MED13L: variants seen among roughly 807,000 people sequenced by gnomAD.
MED13L encodes mediator complex subunit 13L, also known as mediator of RNA polymerase II transcription subunit 13-like.
MED13L carries 7 observed loss-of-function variants against 220.9 expected under a neutral mutation model. That is an observed-to-expected ratio of 0.03 (90% CI 0.02 to 0.06). The LOEUF (loss-of-function observed/expected upper bound fraction) is 0.06. Ranked by LOEUF, MED13L falls within the 10% of genes least tolerant of loss-of-function variation. The pLI is 1.00. For missense variants in MED13L, 1,965 were observed against 2,760.5 expected, an observed-to-expected ratio of 0.71 and a Z score of 6.46; for synonymous variants, 1,011 against 1,015.2, an observed-to-expected ratio of 1.00 and a Z score of 0.08.
At chr12:116,266,533 C>T (rs1253081852) in intron 1 of MED13L, among the ~76,000 whole-genome samples, 1 of 152,188 alleles carries the variant, frequency 6.6e-6, no homozygotes, top group Non-Finnish European at 1.5e-5. Flanking sequence ...ACTGCCAGGA[C>T]TATAAGTCAG....
chr12:116,229,015 G>A (rs915179332), intron 2 of MED13L, among the ~76,000 whole-genome samples: 3 of 151,678 alleles, frequency 2.0e-5, no homozygotes, highest in Admixed American at 1.3e-4. Context: ...GGGCTCAAGC[G>A]ATCCTCCCTC....
chr12:116,015,051 G>T (rs1471796009), intron 8 of MED13L, 58 bp downstream of exon 8: 1 of 1,519,592 alleles, frequency 6.6e-7, no homozygotes, highest in Non-Finnish European at 9.1e-7. Flanking sequence ...CATTTTCCAG[G>T]TAGCAATCAA....
At chr12:116,157,494 T>C (rs556483723) in intron 2 of MED13L, among the ~76,000 whole-genome samples, 16 of 152,208 alleles carry the variant, frequency 1.1e-4, no homozygotes, top group Admixed American at 4.6e-4. Flanking sequence ...ATCTACACTT[T>C]ATGCCATATA....
chr12:116,143,980 A>G (rs1030917812), intron 2 of MED13L, among the ~76,000 whole-genome samples: 1 of 152,158 alleles, frequency 6.6e-6, no homozygotes, highest in Non-Finnish European at 1.5e-5. Flanking sequence ...CACCAATACT[A>G]CAGAACTTAA....
intron 3 of MED13L, among the ~76,000 whole-genome samples, chr12:116,103,920 C>G (rs1873312562): frequency 6.6e-6 from 1 of 150,738 alleles, no homozygotes; most frequent in Non-Finnish European, 1.5e-5. Context: ...ATTTCTTCAA[C>G]TAGGGCGGTA....
Position 116,235,559 on chromosome 12 carries a change from T to C in MED13L, c.310+1909A>G, listed in dbSNP as rs552069158. Among the ~76,000 whole-genome samples the C allele has an allele frequency of 2.0e-5, 3 of 152,272 alleles. No individual in the cohort carries two copies. In the East Asian group the frequency reaches 5.8e-4, roughly 29 times the overall value. On this transcript the variant is annotated intron_variant, in intron 2 of 30. Coordinates refer to ENST00000281928, the MANE Select transcript of MED13L (RefSeq NM_015335.5). The stretch of plus-strand genomic sequence containing the variant: ...CTAATTTTCTAACTTAAATGTAGTG[T>C]TTCTGTAATTTTAAAAATATCTAAA...
intron 13 of MED13L, 50 bp from the exon 14 acceptor site, chr12:116,003,152 G>T (rs1878849956): frequency 6.6e-7 from 1 of 1,513,170 alleles, no homozygotes; most frequent in African/African-American, 1.4e-5. Context: ...TATAAGTAGG[G>T]CAGCATTCAA....
chr12:116,196,920 C>A lies in MED13L; in HGVS notation c.310+40548G>T, dbSNP rs147109137. The stretch of plus-strand genomic sequence containing the variant: ...CTTCAAAATTTGAAGGCATTTATAT[C>A]TAGTTATATACTTAGTAATTCTTTT... On this transcript the variant is annotated intron_variant, in intron 2 of 30. Coordinates refer to ENST00000281928, the MANE Select transcript of MED13L (RefSeq NM_015335.5). Among the ~76,000 whole-genome samples the A allele has an allele frequency of 2.0e-4, 31 of 152,222 alleles. No individual in the cohort carries two copies. The East Asian group carries it at 5.8e-3, about 28-fold the overall frequency.
intron 30 of MED13L, 173 bp from the exon 31 acceptor site, chr12:115,961,571 G>T: frequency 1.1e-6 from 1 of 907,080 alleles, no homozygotes. Flanking sequence ...TTCTAGATAT[G>T]GACTATCCAG....
intron 2 of MED13L, among the ~76,000 whole-genome samples, chr12:116,120,497 A>T (rs947193002): frequency 2.7e-5 from 4 of 146,552 alleles, no homozygotes; most frequent in Non-Finnish European, 6.0e-5. Context: ...ACACACACAC[A>T]CACACACACA....
At chr12:115,964,995 A>C (rs190955082) in intron 29 of MED13L, among the ~76,000 whole-genome samples, 16 of 152,364 alleles carry the variant, frequency 1.1e-4, no homozygotes, top group Middle Eastern at 3.4e-3. Context: ...TGATAATTCT[A>C]ATTCAAAATA....
At chr12:115,999,014 C>T (rs1011981489) in intron 14 of MED13L, among the ~76,000 whole-genome samples, 14 of 151,928 alleles carry the variant, frequency 9.2e-5, no homozygotes, top group African/African-American at 3.4e-4. Context: ...TGAGAGGCTA[C>T]ATAACCGATA....
intron 4 of MED13L, among the ~76,000 whole-genome samples, chr12:116,075,026 A>G (rs1870669558): frequency 6.6e-6 from 1 of 152,262 alleles, no homozygotes; most frequent in Admixed American, 6.5e-5. Context: ...TGGTCTCCAC[A>G]AATAGTTTTT....
chr12:116,276,916 G>C (rs79842122), intron 1 of MED13L, 144 bp downstream of exon 1: 22,041 of 994,088 alleles, frequency 0.022, 374 homozygotes, highest in Middle Eastern at 0.029. Context: ...CCAAAAGGGG[G>C]AGAATCGGCG....
intron 4 of MED13L, among the ~76,000 whole-genome samples, chr12:116,043,500 G>A (rs1881657776): frequency 6.6e-6 from 1 of 152,066 alleles, no homozygotes; most frequent in Non-Finnish European, 1.5e-5. Context: ...ATCATGTTTA[G>A]TAACAGAAAA....
At position 115,972,009 on chromosome 12, in the gene MED13L, C is replaced by A. The variant is rs908211827; in HGVS notation, c.5890+69G>T. On this transcript the variant is annotated intron_variant, in intron 26 of 30. Coordinates refer to ENST00000281928, the MANE Select transcript of MED13L (RefSeq NM_015335.5). ...ATGAAGACAATTCTACCCTTGTCTG[C>A]GGACTTAAGTTTGAGTGGACTGAAT... is the stretch of plus-strand genomic sequence containing the variant. The A allele has an allele frequency of 1.7e-5, 26 of 1,525,288 alleles. No individual in the cohort carries two copies. In the Middle Eastern group the frequency reaches 5.2e-4, roughly 30 times the overall value. The allele number at this position is 1,525,288 out of a possible 1,614,324, so 94.5% of individuals were successfully genotyped here.
chr12:116,027,051 G>A (rs1880436807), intron 4 of MED13L, among the ~76,000 whole-genome samples: 1 of 151,220 alleles, frequency 6.6e-6, no homozygotes, highest in Admixed American at 6.6e-5. Context: ...ATGTGAAAGT[G>A]GGGAGAAAAA....
intron 1 of MED13L, among the ~76,000 whole-genome samples, chr12:116,253,925 A>G (rs1047428540): frequency 2.0e-5 from 3 of 151,504 alleles, no homozygotes; most frequent in Admixed American, 6.6e-5. Flanking sequence ...ATGCCAAGCT[A>G]ATTTTTTGTA....
chr12:116,226,366 A>G (rs1868992856), intron 2 of MED13L, among the ~76,000 whole-genome samples: 1 of 152,210 alleles, frequency 6.6e-6, no homozygotes, highest in Admixed American at 6.5e-5. Context: ...CATTTTATCA[A>G]CGTCGGGTTT....
Sources: gnomAD v4.1 joint callset for allele counts (sites outside exome capture counted in the v4.1 genomes callset) on GRCh38, gnomAD v4.1.1 for gene constraint, MANE v1.5 for transcripts, NCBI Gene and HGNC (gene_info 2026-07-23, HGNC 2026-07-21) for gene names.